The following TTC28 variants were observed in gnomAD, a reference collection of about 807,000 sequenced individuals.
TTC28 encodes tetratricopeptide repeat domain 28, also known as tetratricopeptide repeat protein 28.
Under a neutral mutation model 198.0 loss-of-function variants are expected in TTC28, and 61 were observed. The ratio of observed to expected loss-of-function variants is 0.31; its 90% CI spans 0.25 to 0.38. TTC28 has a LOEUF of 0.38. Ranked by LOEUF, TTC28 falls within the 10% of genes least tolerant of loss-of-function variation. TTC28 has a pLI of 1.00. For synonymous variants in TTC28, 1,171 were observed against 1,297.8 expected (o/e 0.90, Z 2.10); for missense variants, 2,678 against 3,164.0 (o/e 0.85, Z 3.69).
intron 6 of TTC28, among the ~76,000 whole-genome samples, chr22:28,134,760 T>G (rs904007840): frequency 1.3e-5 from 2 of 152,236 alleles, no homozygotes; most frequent in African/African-American, 4.8e-5. Flanking sequence ...TGGAACCAAG[T>G]TGGAAAACAC....
At chr22:28,201,472 G>A (rs1473219443) in intron 5 of TTC28, among the ~76,000 whole-genome samples, 1 of 152,046 alleles carries the variant, frequency 6.6e-6, no homozygotes, top group Admixed American at 6.6e-5. Flanking sequence ...TGAAGAATCA[G>A]TAAGAATTAG....
chr22:28,254,583 A>G (rs959811611), intron 5 of TTC28, among the ~76,000 whole-genome samples: 6 of 152,190 alleles, frequency 3.9e-5, no homozygotes, highest in Admixed American at 1.3e-4. Context: ...TGAAAAAAAA[A>G]TGCTTCACTA....
At chr22:28,195,853 C>T (rs887320585) in intron 5 of TTC28, among the ~76,000 whole-genome samples, 6 of 150,838 alleles carry the variant, frequency 4.0e-5, no homozygotes, top group Admixed American at 1.3e-4. Flanking sequence ...TGAAAATGGC[C>T]ATACTGCTCA....
chr22:28,199,548 T>TATATATATATATATATAC (rs60177369), intron 5 of TTC28, among the ~76,000 whole-genome samples: 10 of 147,470 alleles, frequency 6.8e-5, no homozygotes, highest in African/African-American at 2.0e-4. Flanking sequence ...TATATATATA[T>TATATATATATATATATAC]ACACACAAAC....
chr22:28,336,175 C>G (rs549410135), intron 2 of TTC28, among the ~76,000 whole-genome samples: 1 of 152,266 alleles, frequency 6.6e-6, no homozygotes, highest in South Asian at 2.1e-4. Context: ...AGCCTTGCAT[C>G]CCAGGGATGA....
At chr22:28,660,843 G>A (rs540858117) in intron 1 of TTC28, among the ~76,000 whole-genome samples, 1 of 150,412 alleles carries the variant, frequency 6.6e-6, no homozygotes, top group South Asian at 2.1e-4. Context: ...ATTTTTAGTA[G>A]AGATGGGTTT....
intron 5 of TTC28, among the ~76,000 whole-genome samples, chr22:28,194,196 A>G (rs182540457): frequency 4.6e-4 from 70 of 152,222 alleles, no homozygotes; most frequent in Admixed American, 8.5e-4. Context: ...GGTACATAAC[A>G]AAATGAAGAC....
intron 2 of TTC28, among the ~76,000 whole-genome samples, chr22:28,539,907 A>G (rs2049374690): frequency 6.7e-6 from 1 of 148,790 alleles, no homozygotes; most frequent in African/African-American, 2.5e-5. Flanking sequence ...GCATGGCACC[A>G]GCATCTACTT....
chr22:28,168,933 G>A (rs1922335932), intron 5 of TTC28, among the ~76,000 whole-genome samples: 1 of 152,014 alleles, frequency 6.6e-6, no homozygotes, highest in South Asian at 2.1e-4. Context: ...TTTGACAAAG[G>A]GCTAATATCC....
At chr22:28,294,718 G>A (rs1310897480) in intron 5 of TTC28, among the ~76,000 whole-genome samples, 5 of 151,988 alleles carry the variant, frequency 3.3e-5, no homozygotes, top group South Asian at 2.1e-4. Flanking sequence ...ACAGGCACCC[G>A]CCACCACACC....
At chr22:28,281,028 C>G (rs1266297213) in intron 5 of TTC28, among the ~76,000 whole-genome samples, 1 of 151,998 alleles carries the variant, frequency 6.6e-6, no homozygotes, top group Non-Finnish European at 1.5e-5. Context: ...AAGATTTTCT[C>G]TTTATAATTG....
At chr22:28,486,947 G>T (rs1247061104) in intron 2 of TTC28, among the ~76,000 whole-genome samples, 1 of 152,122 alleles carries the variant, frequency 6.6e-6, no homozygotes, top group Non-Finnish European at 1.5e-5. Flanking sequence ...TTAAATGTTT[G>T]AGATTTACTG....
At chr22:28,469,117 G>A (rs1232006936) in intron 2 of TTC28, among the ~76,000 whole-genome samples, 1 of 152,088 alleles carries the variant, frequency 6.6e-6, no homozygotes, top group Non-Finnish European at 1.5e-5. Flanking sequence ...CTTCCCCCTG[G>A]CCTATGAAAC....
At chr22:28,137,730 A>AT (rs1031715651) in intron 6 of TTC28, among the ~76,000 whole-genome samples, 1 of 152,002 alleles carries the variant, frequency 6.6e-6, no homozygotes, top group African/African-American at 2.4e-5. Flanking sequence ...AATAGTCACT[A>AT]TGGGCCAGGC....
At chr22:28,519,959 G>A (rs1248901690) in intron 2 of TTC28, among the ~76,000 whole-genome samples, 1 of 152,154 alleles carries the variant, frequency 6.6e-6, no homozygotes, top group Non-Finnish European at 1.5e-5. Context: ...TTCTACTTAA[G>A]ACAAAGTAAA....
At chr22:28,328,519 C>T (rs930474191) in intron 2 of TTC28, among the ~76,000 whole-genome samples, 2 of 151,644 alleles carry the variant, frequency 1.3e-5, no homozygotes, top group African/African-American at 4.8e-5. Context: ...TCTGGGAGGC[C>T]GAGGCGGGTG....
At chr22:28,290,262 G>A (rs1267101877) in intron 5 of TTC28, among the ~76,000 whole-genome samples, 2 of 152,064 alleles carry the variant, frequency 1.3e-5, no homozygotes, top group Non-Finnish European at 2.9e-5. Context: ...ATGCAAAAGG[G>A]CAAACAAGGT....
At chr22:28,244,969 G>T (rs1404842705) in intron 5 of TTC28, among the ~76,000 whole-genome samples, 1 of 152,106 alleles carries the variant, frequency 6.6e-6, no homozygotes, top group Admixed American at 6.6e-5. Context: ...TGTTGCTTGT[G>T]TCATGCCTAC....
intron 6 of TTC28, among the ~76,000 whole-genome samples, chr22:28,148,476 G>A (rs185614250): frequency 7.2e-5 from 11 of 152,212 alleles, no homozygotes; most frequent in African/African-American, 2.2e-4. Flanking sequence ...AGCTAGGCGC[G>A]GTGGCGGGCA....
Sources: allele counts gnomAD v4.1 joint callset (sites outside exome capture counted in the v4.1 genomes callset), GRCh38; gene constraint gnomAD v4.1.1; transcripts MANE v1.5; gene names NCBI Gene and HGNC (gene_info 2026-07-23, HGNC 2026-07-21).